Variants in PRKCB observed in about 807,000 individuals in gnomAD.
PRKCB encodes the protein protein kinase C beta type.
A neutral mutation model predicts 81.5 loss-of-function variants in PRKCB; 13 were observed. The observed-to-expected ratio is 0.16, with a 90% CI of 0.10 to 0.25. The LOEUF (loss-of-function observed/expected upper bound fraction) is 0.25, where lower values mean the gene tolerates loss of function less well. Among genes scored for constraint, PRKCB ranks in the 10% least tolerant of loss-of-function variants. PRKCB has a pLI of 1.00. For synonymous variants in PRKCB, 335 were observed against 321.4 expected (o/e 1.04, Z -0.45); for missense variants, 509 against 875.7 (o/e 0.58, Z 5.29).
At chr16:23,975,425 A>C (rs1227631199) in intron 2 of PRKCB, among the ~76,000 whole-genome samples, 1 of 152,086 alleles carries the variant, frequency 6.6e-6, no homozygotes, top group African/African-American at 2.4e-5. Context: ...TGCTGGTAGT[A>C]GCAAAGGGTC....
chr16:23,964,941 A>G (rs1964468592), intron 2 of PRKCB, among the ~76,000 whole-genome samples: 1 of 152,140 alleles, frequency 6.6e-6, no homozygotes, highest in Non-Finnish European at 1.5e-5. Flanking sequence ...AAGTGCTGGG[A>G]TTACAGGTGT....
chr16:23,992,929 A>C (rs541347555), intron 3 of PRKCB, among the ~76,000 whole-genome samples: 1 of 152,206 alleles, frequency 6.6e-6, no homozygotes. Context: ...TGGCCTCCTT[A>C]CCTCAAGCAA....
intron 5 of PRKCB, among the ~76,000 whole-genome samples, chr16:24,060,395 G>A (rs937760252): frequency 6.6e-6 from 1 of 152,172 alleles, no homozygotes; most frequent in Admixed American, 6.5e-5. Flanking sequence ...AGGGCATTTA[G>A]CAAAGACGTC....
At chr16:24,182,807 A>G (rs1036118674) in intron 13 of PRKCB, among the ~76,000 whole-genome samples, 2 of 151,626 alleles carry the variant, frequency 1.3e-5, no homozygotes, top group African/African-American at 4.9e-5. Flanking sequence ...TCTGAGAACC[A>G]CAGATCCTGG....
At chr16:23,852,086 C>T (rs1304160010) in intron 2 of PRKCB, among the ~76,000 whole-genome samples, 3 of 152,130 alleles carry the variant, frequency 2.0e-5, no homozygotes, top group Non-Finnish European at 4.4e-5. Context: ...CACTTCTTCC[C>T]TTCCTATTAG....
At chr16:24,176,411 T>C (rs1448283064) in intron 12 of PRKCB, among the ~76,000 whole-genome samples, 1 of 152,108 alleles carries the variant, frequency 6.6e-6, no homozygotes, top group Non-Finnish European at 1.5e-5. Flanking sequence ...AGACCATGTC[T>C]CTAAAAAAAG....
At chr16:24,104,920 G>C (rs1966555347) in intron 7 of PRKCB, among the ~76,000 whole-genome samples, 1 of 152,194 alleles carries the variant, frequency 6.6e-6, no homozygotes, top group Non-Finnish European at 1.5e-5. Context: ...GAATTAATGA[G>C]ATTGAACTGA....
intron 2 of PRKCB, among the ~76,000 whole-genome samples, chr16:23,937,910 A>G (rs771474761): frequency 3.9e-5 from 6 of 152,164 alleles, no homozygotes; most frequent in Admixed American, 1.3e-4. Context: ...TGTGGCTGCC[A>G]TACGTTAGGT....
At chr16:23,995,707 G>A (rs1488596450) in intron 3 of PRKCB, among the ~76,000 whole-genome samples, 2 of 152,100 alleles carry the variant, frequency 1.3e-5, no homozygotes, top group African/African-American at 4.8e-5. Context: ...GGCTCTAAAG[G>A]CACAAGTACG....
intron 10 of PRKCB, among the ~76,000 whole-genome samples, chr16:24,170,114 T>C (rs1483137692): frequency 1.3e-5 from 2 of 152,240 alleles, no homozygotes; most frequent in African/African-American, 4.8e-5. Context: ...TTGTTTATTA[T>C]GTTTAGCATT....
In PRKCB at chr16:24,145,813, G is replaced by T. The variant is rs530257691; in HGVS notation, c.1066-8871G>T. Among the ~76,000 whole-genome samples the T allele has an allele frequency of 5.9e-5, 9 of 152,362 alleles. No individual in the cohort carries two copies. The East Asian group carries it at 1.4e-3, about 23-fold the overall frequency. On this transcript the variant is annotated intron_variant, in intron 9 of 16. Transcript: ENST00000643927. Reference sequence around the variant, plus strand: ...GTGCTTTGTACAAAGCTCACCATCAGCCCCCTTTGTTGTTTGGTGAAAAGA... The same window carrying T: ...GTGCTTTGTACAAAGCTCACCATCATCCCCCTTTGTTGTTTGGTGAAAAGA...
At chr16:24,172,985 A>G (rs1160971527) in intron 11 of PRKCB, among the ~76,000 whole-genome samples, 1 of 152,214 alleles carries the variant, frequency 6.6e-6, no homozygotes, top group African/African-American at 2.4e-5. Context: ...ACAAACAAGG[A>G]AATGGAGATG....
In PRKCB at chr16:23,877,115, G is replaced by A. The variant is rs1567299264; in HGVS notation, c.205+39709G>A. Among the ~76,000 whole-genome samples the A allele has an allele frequency of 2.0e-5, 3 of 152,098 alleles. 1 individual carries two copies. Among genetic ancestry groups the A allele is most frequent in the Admixed American group, 1.3e-4 (2 of 15,270 alleles). ...AATGACTGTTTCCTTCAGGACACCA[G>A]AGATGGGGTGAATAACTCTGTAAAA... On this transcript the variant is annotated intron_variant, in intron 2 of 16. Coordinates refer to ENST00000643927, the MANE Select transcript of PRKCB (RefSeq NM_002738.7).
At chr16:23,866,285 A>G (rs8060048) in intron 2 of PRKCB, among the ~76,000 whole-genome samples, 146,784 of 152,222 alleles carry the variant, frequency 0.96, 70,813 homozygotes, top group East Asian at 1. Context: ...ATCCCCATAC[A>G]CGTATCTTCT....
intron 3 of PRKCB, among the ~76,000 whole-genome samples, chr16:24,013,256 C>A (rs1268299701): frequency 6.6e-6 from 1 of 152,088 alleles, no homozygotes; most frequent in South Asian, 2.1e-4. Context: ...TAGGTTGGTG[C>A]AAAAGTAATT....
chr16:24,138,527 A>G (rs1297035701), intron 9 of PRKCB, among the ~76,000 whole-genome samples: 4 of 151,794 alleles, frequency 2.6e-5, no homozygotes, highest in East Asian at 3.9e-4. Context: ...ACTAAGCCAT[A>G]TATGTCACCA....
intron 2 of PRKCB, among the ~76,000 whole-genome samples, chr16:23,891,177 C>T (rs1318388488): frequency 6.6e-6 from 1 of 152,032 alleles, no homozygotes; most frequent in African/African-American, 2.4e-5. Context: ...GCTAGGACTA[C>T]AGGCATGTGC....
intron 3 of PRKCB, among the ~76,000 whole-genome samples, chr16:23,994,925 A>G (rs1257184829): frequency 6.6e-6 from 1 of 152,214 alleles, no homozygotes; most frequent in Non-Finnish European, 1.5e-5. Context: ...TCCACAAGCT[A>G]TGACAATGGT....
intron 5 of PRKCB, among the ~76,000 whole-genome samples, chr16:24,085,752 C>T (rs964685058): frequency 3.3e-5 from 5 of 152,132 alleles, no homozygotes; most frequent in Non-Finnish European, 7.4e-5. Context: ...AATTGACAAC[C>T]GTGTCTGCCT....
Sources: gnomAD v4.1 joint callset for allele counts (sites outside exome capture counted in the v4.1 genomes callset) on GRCh38, gnomAD v4.1.1 for gene constraint, MANE v1.5 for transcripts, NCBI Gene and HGNC (gene_info 2026-07-23, HGNC 2026-07-21) for gene names.